Variants in MAMDC2 observed in about 807,000 individuals in gnomAD.
MAMDC2 encodes the protein MAM domain containing 2.
Under a neutral mutation model 89.8 loss-of-function variants are expected in MAMDC2, and 57 were observed. That is an observed-to-expected ratio of 0.63 (90% CI 0.51 to 0.79). The LOEUF is 0.79. MAMDC2 is among the 30% of genes least tolerant of loss of function. MAMDC2 has a pLI of 0.00. For synonymous variants in MAMDC2, 313 were observed against 293.4 expected, an observed-to-expected ratio of 1.07 and a Z score of -0.68; for missense variants, 800 against 820.6, an observed-to-expected ratio of 0.97 and a Z score of 0.31.
intron 12 of MAMDC2, among the ~76,000 whole-genome samples, chr9:70,218,873 T>C (rs1464145574): frequency 6.6e-6 from 1 of 152,254 alleles, no homozygotes; most frequent in Non-Finnish European, 1.5e-5. Flanking sequence ...GGGTGTCAAG[T>C]ATATTTCTAT....
At chr9:70,103,843 G>A (rs933902038) in intron 2 of MAMDC2, among the ~76,000 whole-genome samples, 6 of 152,040 alleles carry the variant, frequency 3.9e-5, no homozygotes, top group South Asian at 2.1e-4. Flanking sequence ...TTAGCAGGGC[G>A]TGGCAGCGTA....
intron 2 of MAMDC2, among the ~76,000 whole-genome samples, chr9:70,079,521 A>G (rs778389087): frequency 3.0e-4 from 45 of 152,180 alleles, no homozygotes; most frequent in Non-Finnish European, 6.3e-4. Context: ...GTCCTTAAGC[A>G]TACAGTGTGG....
chr9:70,180,941 TG>T (rs753845985), intron 11 of MAMDC2, among the ~76,000 whole-genome samples: 3 of 152,244 alleles, frequency 2.0e-5, no homozygotes, highest in Non-Finnish European at 2.9e-5. Flanking sequence ...GTCTATGTCC[TG>T]AATGGTATTG....
chr9:70,171,155 C>T (rs527337594), intron 11 of MAMDC2: 1 of 153,142 alleles, frequency 6.5e-6, no homozygotes, highest in South Asian at 2.1e-4. Context: ...AGTTCATCTA[C>T]TTCATATTAC....
chr9:70,205,197 C>A (rs1168005163), intron 11 of MAMDC2, among the ~76,000 whole-genome samples: 1 of 152,176 alleles, frequency 6.6e-6, no homozygotes, highest in Non-Finnish European at 1.5e-5. Flanking sequence ...CATACTTTAA[C>A]CATTTTAAGT....
intron 11 of MAMDC2, chr9:70,217,336 C>A: frequency 7.2e-7 from 1 of 1,395,780 alleles, no homozygotes; most frequent in Non-Finnish European, 1.0e-6. Flanking sequence ...GAATCCTTGG[C>A]AGATAAACTG....
At chr9:70,165,832 T>C (rs2032154184) in intron 9 of MAMDC2, among the ~76,000 whole-genome samples, 1 of 152,230 alleles carries the variant, frequency 6.6e-6, no homozygotes, top group African/African-American at 2.4e-5. Context: ...TTAATTTTAA[T>C]AGACACATGT....
chr9:70,132,106 G>C (rs1481154776), intron 7 of MAMDC2, among the ~76,000 whole-genome samples: 1 of 152,208 alleles, frequency 6.6e-6, no homozygotes, highest in Non-Finnish European at 1.5e-5. Context: ...TAAATAGCAT[G>C]TGCTCTTAAT....
intron 11 of MAMDC2, among the ~76,000 whole-genome samples, chr9:70,211,093 A>T (rs898870377): frequency 6.6e-6 from 1 of 152,048 alleles, no homozygotes; most frequent in Non-Finnish European, 1.5e-5. Context: ...GAATCTGACA[A>T]TTATGTGTCT....
intron 2 of MAMDC2, chr9:70,062,844 T>C (rs1279602462): frequency 6.6e-6 from 1 of 152,208 alleles, no homozygotes; most frequent in African/African-American, 2.4e-5. Flanking sequence ...TTAGCAGTTT[T>C]CAGCAAAAAC....
At chr9:70,086,654 A>AT (rs1304296685) in intron 2 of MAMDC2, 1 of 152,120 alleles carries the variant, frequency 6.6e-6, no homozygotes, top group African/African-American at 2.4e-5. Flanking sequence ...GTTATTAACA[A>AT]TTTTTTATGT....
chr9:70,117,529 C>G (rs1423031857), intron 5 of MAMDC2, among the ~76,000 whole-genome samples: 1 of 151,966 alleles, frequency 6.6e-6, no homozygotes, highest in Non-Finnish European at 1.5e-5. Context: ...ATGGGTGCAG[C>G]AAACCACCAT....
intron 2 of MAMDC2, among the ~76,000 whole-genome samples, chr9:70,099,956 C>T (rs185524452): frequency 2.8e-4 from 39 of 140,072 alleles, no homozygotes; most frequent in African/African-American, 9.6e-4. Flanking sequence ...GTCTGGGTGA[C>T]AGAGCAAGAC....
chr9:70,211,771 G>C, intron 11 of MAMDC2, among the ~76,000 whole-genome samples: 1 of 152,146 alleles, frequency 6.6e-6, no homozygotes, highest in East Asian at 1.9e-4. Context: ...ATCTACCTTT[G>C]GTCTTTGATG....
chr9:70,208,557 T>C (rs1266993614), intron 11 of MAMDC2, among the ~76,000 whole-genome samples: 1 of 152,232 alleles, frequency 6.6e-6, no homozygotes, highest in Admixed American at 6.5e-5. Flanking sequence ...GTTTTCTAAA[T>C]ATACAATCAT....
chr9:70,218,736 T>A (rs2033497708), intron 12 of MAMDC2, 140 bp downstream of exon 12: 2 of 918,852 alleles, frequency 2.2e-6, no homozygotes, highest in Admixed American at 6.3e-5. Context: ...GGAGTAAACA[T>A]AATTAGTCTA....
rs781002990 is a variant in MAMDC2, at chr9:70,131,634, T to C, written c.994+22T>C. The C allele has an allele frequency of 5.8e-6, 9 of 1,558,006 alleles. No individual in the cohort carries two copies. In the East Asian group the frequency reaches 9.2e-5, roughly 16 times the overall value. On this transcript the variant is annotated intron_variant, in intron 7 of 13. Coordinates refer to ENST00000377182, the MANE Select transcript of MAMDC2 (RefSeq NM_153267.5). ...ACAGGTGAGCATTCTCTATTTGTCA[T>C]TGCATTTTGGGATGTTCCTGTTTCA...
intron 10 of MAMDC2, 81 bp downstream of exon 10, chr9:70,168,876 C>T (rs2032248368): frequency 8.5e-6 from 10 of 1,179,740 alleles, no homozygotes; most frequent in Non-Finnish European, 1.3e-5. Flanking sequence ...ACATACATTT[C>T]ATCTGTGCTA....
rs566448459 is a variant in MAMDC2, at chr9:70,178,203, T to C, written c.1651+7572T>C. ...ATAACAGAATGGCTGAACTGAGCAA[T>C]TTATATAGAATGGAAACTTATATCC... On this transcript the variant is annotated intron_variant, in intron 11 of 13. Transcript: ENST00000377182. Among the ~76,000 whole-genome samples, 10 of 152,294 alleles carry C rather than the reference T, an allele frequency of 6.6e-5. No homozygotes were observed. The East Asian group carries it at 1.5e-3, about 24-fold the overall frequency.
Sources: allele counts gnomAD v4.1 joint callset (sites outside exome capture counted in the v4.1 genomes callset), GRCh38; gene constraint gnomAD v4.1.1; transcripts MANE v1.5; gene names NCBI Gene and HGNC (gene_info 2026-07-23, HGNC 2026-07-21).